The following CHD9 variants were observed in gnomAD, a reference collection of about 807,000 sequenced individuals.
CHD9 encodes ATP-dependent chromatin remodeler CHD9.
A neutral mutation model predicts 316.1 loss-of-function variants in CHD9; 77 were observed. That is an observed-to-expected ratio of 0.24 (90% confidence interval 0.20 to 0.29). The LOEUF (loss-of-function observed/expected upper bound fraction) is 0.29, where lower values mean the gene tolerates loss of function less well. CHD9 is among the 10% of genes least tolerant of loss of function. CHD9 has a pLI of 1.00. For synonymous variants in CHD9, 1,129 were observed against 1,158.3 expected, an observed-to-expected ratio of 0.97 and a Z score of 0.51; for missense variants, 2,763 against 3,438.1, an observed-to-expected ratio of 0.80 and a Z score of 4.91.
intron 30 of CHD9, 133 bp from the exon 31 acceptor site, chr16:53,303,587 A>G (rs983667322): frequency 1.7e-6 from 1 of 589,264 alleles, no homozygotes; most frequent in Admixed American, 3.9e-5. Flanking sequence ...TCTGGAAACT[A>G]TACAGTGATA....
At chr16:53,202,208 A>G (rs2045517752) in intron 2 of CHD9, among the ~76,000 whole-genome samples, 2 of 152,234 alleles carry the variant, frequency 1.3e-5, no homozygotes, top group East Asian at 3.9e-4. Flanking sequence ...TTTCACACCT[A>G]AAAAAGATAA....
intron 1 of CHD9, among the ~76,000 whole-genome samples, chr16:53,117,625 A>C (rs1174926424): frequency 2.0e-5 from 3 of 151,770 alleles, no homozygotes; most frequent in Non-Finnish European, 4.4e-5. Flanking sequence ...CATATTGGCC[A>C]GGCTGGTCTC....
intron 17 of CHD9, 93 bp from the exon 18 acceptor site, chr16:53,254,345 G>T: frequency 1.2e-6 from 1 of 865,040 alleles, no homozygotes; most frequent in Non-Finnish European, 1.7e-6. Flanking sequence ...AATGGTCTAA[G>T]AATTCTTGTA....
intron 4 of CHD9, among the ~76,000 whole-genome samples, chr16:53,224,206 G>A (rs1467753653): frequency 1.3e-5 from 2 of 152,108 alleles, no homozygotes; most frequent in Non-Finnish European, 2.9e-5. Context: ...CAATTTATCA[G>A]GATTTTAAGT....
chr16:53,106,440 C>G (rs1463842869), intron 1 of CHD9, among the ~76,000 whole-genome samples: 2 of 152,134 alleles, frequency 1.3e-5, no homozygotes, highest in Non-Finnish European at 2.9e-5. Context: ...CAAAAAATGA[C>G]TAATGGATAT....
chr16:53,179,018 G>A (rs1472063293), intron 2 of CHD9, among the ~76,000 whole-genome samples: 2 of 150,322 alleles, frequency 1.3e-5, no homozygotes, highest in African/African-American at 5.0e-5. Flanking sequence ...GCGAGACCCT[G>A]TTTCTAAAAA....
rs184714926 is a variant in CHD9 at position 53,255,612 on chromosome 16, T to A, written c.4042T>A (p.Ser1348Thr). ...AATTTCTCCTTAGATTCAGCAGCTT[T>A]CCAAAAAGGAAATAGAAGATCTGCT... ...ESNVGGIQQL[S>T]KKEIEDLLRR... is the part of the protein sequence containing the mutation. Residue 1348 changes from serine (S) to threonine (T), a missense_variant, in exon 19 of 39, where the codon TCC becomes ACC. Ser to Thr is a moderately conservative substitution (Grantham distance 58). Coordinates refer to ENST00000447540, the MANE Select transcript of CHD9 (RefSeq NM_001308319.2). 3.6e-4 allele frequency: 582 copies of A among 1,611,400 alleles called. 2 individuals are homozygous for A. The African/African-American group carries it at 7.1e-3, about 20-fold the overall frequency.
chr16:53,216,283 A>G (rs909423780), intron 3 of CHD9, among the ~76,000 whole-genome samples: 2 of 152,138 alleles, frequency 1.3e-5, no homozygotes, highest in African/African-American at 4.8e-5. Context: ...TTTTTCTGCT[A>G]CTGAAACATC....
At chr16:53,253,512 G>T (rs184241136) in intron 17 of CHD9, among the ~76,000 whole-genome samples, 1 of 152,106 alleles carries the variant, frequency 6.6e-6, no homozygotes, top group African/African-American at 2.4e-5. Context: ...TTAGGTGATG[G>T]TTGCACCAAA....
intron 24 of CHD9, among the ~76,000 whole-genome samples, chr16:53,279,783 A>G (rs1194108439): frequency 6.6e-6 from 1 of 152,188 alleles, no homozygotes; most frequent in Non-Finnish European, 1.5e-5. Flanking sequence ...ACATCTGACA[A>G]AGGACTACTA....
chr16:53,095,632 A>T (rs1596968308), intron 1 of CHD9, among the ~76,000 whole-genome samples: 1 of 152,188 alleles, frequency 6.6e-6, no homozygotes, highest in African/African-American at 2.4e-5. Context: ...TCATAATATT[A>T]TGTGGCTAAA....
chr16:53,225,419 G>T (rs2047571627), intron 4 of CHD9, among the ~76,000 whole-genome samples: 1 of 152,200 alleles, frequency 6.6e-6, no homozygotes, highest in East Asian at 1.9e-4. Flanking sequence ...ATAAACCTAA[G>T]CCCTTTGGGA....
At chr16:53,090,643 T>G (rs930834343) in intron 1 of CHD9, among the ~76,000 whole-genome samples, 1 of 152,158 alleles carries the variant, frequency 6.6e-6, no homozygotes, top group Non-Finnish European at 1.5e-5. Context: ...CTCCCCGGCA[T>G]GAAGCCCAGG....
intron 16 of CHD9, 77 bp downstream of exon 16, chr16:53,247,580 A>T: frequency 1.1e-6 from 1 of 932,242 alleles, no homozygotes; most frequent in Non-Finnish European, 1.6e-6. Context: ...AATGTAAATG[A>T]ACTTTACTCA....
At chr16:53,096,591 G>T (rs1461450162) in intron 1 of CHD9, among the ~76,000 whole-genome samples, 1 of 152,144 alleles carries the variant, frequency 6.6e-6, no homozygotes, top group African/African-American at 2.4e-5. Context: ...GATAGAGCCA[G>T]GATCTGAACG....
intron 1 of CHD9, among the ~76,000 whole-genome samples, chr16:53,087,947 CAA>C (rs61112383): frequency 1.3e-4 from 16 of 122,690 alleles, no homozygotes; most frequent in African/African-American, 1.4e-4. Flanking sequence ...GAGTCTGTCT[CAA>C]AAAAAAAAAA....
chr16:53,158,793 A>T (rs547600149), intron 2 of CHD9, among the ~76,000 whole-genome samples: 33 of 152,046 alleles, frequency 2.2e-4, no homozygotes, highest in Admixed American at 2.0e-3. Context: ...ATGTGCCACC[A>T]TGCCTGGCTT....
intron 1 of CHD9, among the ~76,000 whole-genome samples, chr16:53,153,496 G>T (rs537451348): frequency 2.0e-5 from 3 of 152,066 alleles, no homozygotes; most frequent in Non-Finnish European, 4.4e-5. Context: ...GTAAAACAGT[G>T]GAGGAAACTT....
chr16:53,232,438 G>C (rs2048260128), intron 10 of CHD9, among the ~76,000 whole-genome samples: 1 of 152,056 alleles, frequency 6.6e-6, no homozygotes, highest in African/African-American at 2.4e-5. Context: ...TATAGGCCTT[G>C]GTAAAGGGGG....
Sources: allele counts gnomAD v4.1 joint callset (sites outside exome capture counted in the v4.1 genomes callset), GRCh38; gene constraint gnomAD v4.1.1; transcripts MANE v1.5; gene names NCBI Gene and HGNC (gene_info 2026-07-23, HGNC 2026-07-21).